The following EYA3 variants were observed in gnomAD, a reference collection of about 807,000 sequenced individuals.
EYA3 encodes the protein protein phosphatase EYA3.
A neutral mutation model predicts 80.0 loss-of-function variants in EYA3; 39 were observed. The observed-to-expected ratio is 0.49, with a 90% CI of 0.38 to 0.64. EYA3 has a LOEUF of 0.64. EYA3 is among the 30% of genes least tolerant of loss of function. The pLI, the probability that EYA3 is intolerant of heterozygous loss-of-function variation, is 0.00. For synonymous variants in EYA3, 206 were observed against 232.8 expected (o/e 0.88, Z 1.05); for missense variants, 523 against 676.1 (o/e 0.77, Z 2.51).
rs1641116684 is a variant in EYA3 at position 28,004,342 on chromosome 1, A to G, written c.987T>C (p.Tyr329=). The G allele has an allele frequency of 1.2e-6, 2 of 1,600,230 alleles. No homozygotes were observed. The highest frequency in any genetic ancestry group is 1.3e-5 in the African/African-American group (1 of 74,808). The change falls in exon 11 of 18, where the codon TAT becomes TAC. Residue 329 remains tyrosine, a synonymous_variant. Transcript: ENST00000373871. Reference sequence around the variant, plus strand: ...CAAAGAAGACTCAAATTACCTTTCCATATTTCTGGGCATAGGATCCAGTAA... The same window carrying G: ...CAAAGAAGACTCAAATTACCTTTCCGTATTTCTGGGCATAGGATCCAGTAA... ...SLLTGSYAQK[Y]GKDPTVVIGS...
At chr1:27,992,585 T>C (rs1316127685) in intron 14 of EYA3, among the ~76,000 whole-genome samples, 1 of 152,182 alleles carries the variant, frequency 6.6e-6, no homozygotes, top group East Asian at 1.9e-4. Flanking sequence ...CCCTGAATCT[T>C]TGAGCAACAT....
At chr1:28,039,118 G>A (rs1385905946) in intron 4 of EYA3, among the ~76,000 whole-genome samples, 1 of 152,074 alleles carries the variant, frequency 6.6e-6, no homozygotes, top group African/African-American at 2.4e-5. Flanking sequence ...AGAAGGGTGG[G>A]GTATGGAAAA....
intron 7 of EYA3, among the ~76,000 whole-genome samples, chr1:28,021,361 T>A (rs1642422244): frequency 6.6e-6 from 1 of 152,168 alleles, no homozygotes; most frequent in Admixed American, 6.5e-5. Flanking sequence ...ACCTTTTCTG[T>A]TTTCTTAATC....
chr1:28,006,433 G>A (rs997163565), intron 10 of EYA3, among the ~76,000 whole-genome samples: 6 of 152,070 alleles, frequency 3.9e-5, no homozygotes, highest in African/African-American at 7.2e-5. Context: ...CTAGCCGGGC[G>A]CGGTGGCTCA....
At chr1:28,055,362 A>T (rs991182700) in intron 2 of EYA3, among the ~76,000 whole-genome samples, 1 of 152,192 alleles carries the variant, frequency 6.6e-6, no homozygotes. Flanking sequence ...GTAATATAAC[A>T]AAGTTATTTA....
intron 5 of EYA3, 145 bp downstream of exon 5, chr1:28,038,694 A>G (rs1340149174): frequency 2.0e-6 from 1 of 493,220 alleles, no homozygotes; most frequent in Non-Finnish European, 3.5e-6. Flanking sequence ...CTATATTTAG[A>G]GGGAATTAAA....
intron 16 of EYA3, among the ~76,000 whole-genome samples, chr1:27,985,931 A>G (rs556097763): frequency 1.3e-5 from 2 of 152,286 alleles, no homozygotes; most frequent in Admixed American, 1.3e-4. Context: ...GAGGCTCAGG[A>G]AAGAAGATAA....
intron 5 of EYA3, among the ~76,000 whole-genome samples, chr1:28,036,224 T>G (rs1643446428): frequency 6.6e-6 from 1 of 152,192 alleles, no homozygotes; most frequent in Non-Finnish European, 1.5e-5. Context: ...CAAACATCCC[T>G]CCAAGTTCCA....
At chr1:27,983,554 T>C (rs947161543) in intron 16 of EYA3, among the ~76,000 whole-genome samples, 4 of 152,260 alleles carry the variant, frequency 2.6e-5, no homozygotes, top group Non-Finnish European at 4.4e-5. Context: ...ACTGACAGTT[T>C]TGTTTTCCTC....
chr1:28,042,503 A>T, intron 4 of EYA3, 68 bp downstream of exon 4: 1 of 1,413,070 alleles, frequency 7.1e-7, no homozygotes, highest in East Asian at 2.3e-5. Context: ...CGAAAAACCA[A>T]CTCTATAAGA....
rs146390945 is a variant in EYA3, at chr1:28,082,534, T to C, written c.-69+5990A>G. Among the ~76,000 whole-genome samples the C allele has an allele frequency of 5.6e-4, 86 of 152,260 alleles. No homozygotes were observed. The East Asian group carries it at 0.014, about 25-fold the overall frequency. On this transcript the variant is annotated intron_variant, in intron 1 of 17. Coordinates refer to ENST00000373871, the MANE Select transcript of EYA3 (RefSeq NM_001990.4). ...AATCACTAATTTAAATATACTACTC[T>C]AAACATGATAGCCCTAAAGAGATGA... is the stretch of plus-strand genomic sequence containing the variant.
intron 2 of EYA3, among the ~76,000 whole-genome samples, chr1:28,056,033 T>G (rs1644426877): frequency 6.6e-6 from 1 of 152,128 alleles, no homozygotes; most frequent in East Asian, 1.9e-4. Flanking sequence ...TTACTCTTCC[T>G]GTTCTATTTT....
chr1:28,000,087 G>T, intron 11 of EYA3, 38 bp from the exon 12 acceptor site: 1 of 1,451,620 alleles, frequency 6.9e-7, no homozygotes, highest in Non-Finnish European at 9.5e-7. Context: ...TGACTTGGTA[G>T]TCACAGTCCT....
intron 16 of EYA3, among the ~76,000 whole-genome samples, chr1:27,981,631 G>A (rs1290053447): frequency 6.6e-6 from 1 of 152,008 alleles, no homozygotes; most frequent in Admixed American, 6.6e-5. Flanking sequence ...AATAGGAAAA[G>A]TTAGGCATGG....
chr1:28,016,708 T>C (rs2148803207), intron 8 of EYA3, among the ~76,000 whole-genome samples: 1 of 152,246 alleles, frequency 6.6e-6, no homozygotes, highest in East Asian at 1.9e-4. Context: ...CTCCTAAGCA[T>C]AGTTAACATA....
intron 2 of EYA3, among the ~76,000 whole-genome samples, chr1:28,053,955 G>C (rs771602173): frequency 2.0e-5 from 3 of 152,168 alleles, no homozygotes; most frequent in Non-Finnish European, 4.4e-5. Context: ...GCTAGTGCTA[G>C]GTAAATTGTA....
In EYA3 at chr1:28,035,632, AG is replaced by A; in HGVS notation, c.272del (p.Pro91LeufsTer37). 1 of 1,614,152 alleles carries A rather than the reference AG, an allele frequency of 6.2e-7. No individual in the cohort carries two copies. The highest frequency in any genetic ancestry group is 8.5e-7 in the Non-Finnish European group (1 of 1,179,980). Reference sequence around the variant, plus strand: ...GTAGTGTCTGGTATTGAGTCTGTCCAGGGTAAGCAGTTTCCGAAACAGGAAC... The same window carrying A: ...GTAGTGTCTGGTATTGAGTCTGTCCAGGTAAGCAGTTTCCGAAACAGGAAC... Reference protein sequence around the residue: ...LSVPVSETAYPGQTQYQTLQQ... With the variant: ...LSVPVSETAYXGQTQYQTLQQ... On this transcript the variant is annotated frameshift_variant, in exon 6 of 18. Coordinates refer to ENST00000373871, the MANE Select transcript of EYA3 (RefSeq NM_001990.4). LOFTEE classifies it high-confidence loss of function.
intron 1 of EYA3, among the ~76,000 whole-genome samples, chr1:28,060,760 A>T (rs926554919): frequency 1.2e-4 from 19 of 152,184 alleles, no homozygotes; most frequent in Admixed American, 1.2e-3. Context: ...TCATGCCTGT[A>T]ATCCCAGCAC....
intron 10 of EYA3, 37 bp from the exon 11 acceptor site, chr1:28,004,456 C>CATTGT: frequency 6.8e-7 from 1 of 1,470,346 alleles, no homozygotes; most frequent in Non-Finnish European, 9.5e-7. Flanking sequence ...GTATATTTTC[C>CATTGT]AATTACAATG....
Sources: gnomAD v4.1 joint callset for allele counts (sites outside exome capture counted in the v4.1 genomes callset) on GRCh38, gnomAD v4.1.1 for gene constraint, MANE v1.5 for transcripts, NCBI Gene and HGNC (gene_info 2026-07-23, HGNC 2026-07-21) for gene names.